KCTD13: variants seen among roughly 807,000 people sequenced by gnomAD.
KCTD13 encodes BTB/POZ domain-containing adapter for CUL3-mediated RhoA degradation protein 1.
A neutral mutation model predicts 32.3 loss-of-function variants in KCTD13; 15 were observed. The observed-to-expected ratio is 0.46, with a 90% confidence interval of 0.31 to 0.71. The LOEUF (loss-of-function observed/expected upper bound fraction) is 0.71, where lower values mean the gene tolerates loss of function less well. KCTD13 is among the 30% of genes least tolerant of loss of function. KCTD13 has a pLI of 0.05. For missense variants in KCTD13, 337 were observed against 452.6 expected (o/e 0.74, Z 2.32); for synonymous variants, 189 against 200.1 (o/e 0.94, Z 0.47).
At chr16:29,911,935 A>T (rs780447062) in intron 3 of KCTD13, 25 bp downstream of exon 3, 3 of 1,609,590 alleles carry the variant, frequency 1.9e-6, no homozygotes, top group Admixed American at 3.4e-5. Flanking sequence ...GTGAGCCTCC[A>T]CCCTGCAGGG....
In KCTD13 at chr16:29,911,140, C is replaced by G; in HGVS notation, c.591G>C (p.Glu197Asp). The change falls in exon 5 of 6, where the codon GAG becomes GAC. Residue 197 changes from glutamate (E) to aspartate (D), a missense_variant. By Grantham distance (45) the Glu-to-Asp change is conservative (BLOSUM62 2). Transcript: ENST00000568000. ...TSDDNLLKNIELFDKLALRFH... is the reference protein window; with the variant it reads ...TSDDNLLKNIDLFDKLALRFH... ...AGCGCAGGGCCAGCTTGTCGAACAG[C>G]TCGATGTTCTTAAGTAGGTTGTCAT... 6.2e-7 allele frequency: 1 copy of G among 1,614,140 alleles called. No homozygotes were observed. Among genetic ancestry groups the G allele is most frequent in the Non-Finnish European group, 8.5e-7 (1 of 1,180,010 alleles).
intron 4 of KCTD13, chr16:29,911,513 A>G (rs1302911873): frequency 1.8e-6 from 1 of 566,414 alleles, no homozygotes; most frequent in Non-Finnish European, 3.1e-6. Flanking sequence ...TGTAAAATGG[A>G]GCTCACAACA....
intron 2 of KCTD13, chr16:29,922,869 T>G: frequency 2.4e-6 from 1 of 413,706 alleles, no homozygotes; most frequent in African/African-American, 2.0e-5. Flanking sequence ...TTAGGATTTC[T>G]AAGCAAGAGA....
At chr16:29,920,586 A>G (rs2068893161) in intron 2 of KCTD13, 1 of 152,210 alleles carries the variant, frequency 6.6e-6, no homozygotes, top group African/African-American at 2.4e-5. Context: ...CTGGTAAAGA[A>G]CATGAATAAG....
chr16:29,913,400 T>C (rs1341553820), intron 2 of KCTD13: 1 of 152,152 alleles, frequency 6.6e-6, no homozygotes, highest in Admixed American at 6.5e-5. Flanking sequence ...CCACTGTGTA[T>C]ATGAGAATTG....
chr16:29,911,668 G>A (rs368021302), intron 4 of KCTD13, 147 bp downstream of exon 4: 9 of 754,462 alleles, frequency 1.2e-5, no homozygotes, highest in African/African-American at 5.2e-5. Flanking sequence ...TGCCTAGAGC[G>A]TCAGGGGTAA....
chr16:29,923,263 A>T lies in KCTD13; in HGVS notation c.341T>A (p.Leu114Gln). Residue 114 changes from leucine (L) to glutamine (Q), a missense_variant, in exon 2 of 6, where the codon CTG becomes CAG. Physicochemically the swap from Leu to Gln is moderately radical, Grantham distance 113. This residue lies in a region of KCTD13 where 252 missense variants were observed against 340.2 expected (regional missense o/e 0.74). Coordinates refer to ENST00000568000, the MANE Select transcript of KCTD13 (RefSeq NM_178863.5). ...GCGTGCTTCGCCCAGCAGCTCCCCC[A>T]GTTCTCTCGTACTCTCCGGCAGTGG... The part of the protein sequence containing the change: ...SVPLPESTRE[L>Q]GELLGEARYY... 6.2e-7 allele frequency: 1 copy of T among 1,614,160 alleles called. No individual in the cohort carries two copies. Among genetic ancestry groups the T allele is most frequent in the Non-Finnish European group, 8.5e-7 (1 of 1,180,028 alleles).
chr16:29,916,385 A>G (rs2150839958), intron 2 of KCTD13, among the ~76,000 whole-genome samples: 1 of 152,278 alleles, frequency 6.6e-6, no homozygotes, highest in East Asian at 1.9e-4. Context: ...CACTGTGCCC[A>G]GCCAATACTT....
rs762939828 is a variant in KCTD13 at position 29,911,029 on chromosome 16, G to A, written c.702C>T (p.Ala234=). 1.3e-5 allele frequency: 21 copies of A among 1,614,026 alleles called. No homozygotes were observed. The highest frequency in any genetic ancestry group is 3.3e-5 in the Admixed American group (2 of 59,980). The change falls in exon 5 of 6, where the codon GCC becomes GCT. Residue 234 remains alanine, a synonymous_variant. Transcript: ENST00000568000. The part of the protein sequence containing the change: ...WSFYGQGRKI[A]EVCCTSIVYA... ...AGACAATGGAGGTGCAGCACACCTC[G>A]GCGATTTTGCGGCCCTGCCCGTAGA...
At chr16:29,912,099 T>C (rs767005325) in intron 2 of KCTD13, 50 bp from the exon 3 acceptor site, 46 of 1,280,472 alleles carry the variant, frequency 3.6e-5, no homozygotes, top group Non-Finnish European at 4.9e-5. Flanking sequence ...GGCCACGTAC[T>C]CCCCCACTTA....
At position 29,911,091 on chromosome 16, in the gene KCTD13, T is replaced by C. The variant is rs2068699736; in HGVS notation, c.640A>G (p.Lys214Glu). The change falls in exon 5 of 6, where the codon AAG becomes GAG. Residue 214 changes from lysine (K) to glutamate (E), a missense_variant. Lys to Glu is a moderately conservative substitution (Grantham distance 56). Transcript: ENST00000568000. ...CAGATCTCGTCCCCCAGGACATCCTTGAGGAAGAGTAGCCGCCCGTGGAAG... is the reference window on the plus strand; with the variant it reads ...CAGATCTCGTCCCCCAGGACATCCTCGAGGAAGAGTAGCCGCCCGTGGAAG... The part of the protein sequence containing the change: ...LRFHGRLLFL[K>E]DVLGDEICCW... 6.2e-7 allele frequency: 1 copy of C among 1,614,002 alleles called. No homozygotes were observed. The highest frequency in any genetic ancestry group is 8.5e-7 in the Non-Finnish European group (1 of 1,179,996).
At chr16:29,922,183 A>AT (rs2068925815) in intron 2 of KCTD13, 2 of 152,182 alleles carry the variant, frequency 1.3e-5, no homozygotes, top group Non-Finnish European at 2.9e-5. Flanking sequence ...ACTAAAATGC[A>AT]TTTTTTCCCT....
chr16:29,910,757 G>A (rs2150834270), intron 5 of KCTD13, among the ~76,000 whole-genome samples: 1 of 152,264 alleles, frequency 6.6e-6, no homozygotes, highest in South Asian at 2.1e-4. Flanking sequence ...CCATCCAACA[G>A]GCCTAGGCTA....
At position 29,925,932 on chromosome 16, in the gene KCTD13, C is replaced by T. The variant is rs750135484; in HGVS notation, c.102G>A (p.Lys34=). ...CGTATTTGCTGTTCGGGGTCAGCGG[C>T]TTGAGACCGTAGGCGGCGGGGCCAG... is the stretch of plus-strand genomic sequence containing the variant. ...LEPGPAAYGL[K]PLTPNSKYVK... is the part of the protein sequence containing the mutation. Residue 34 remains lysine, a synonymous_variant, in exon 1 of 6, where the codon AAG becomes AAA. Transcript: ENST00000568000. 11 of 1,613,868 alleles carry T rather than the reference C, an allele frequency of 6.8e-6. No homozygotes were observed. In the East Asian group the frequency reaches 1.8e-4, roughly 26 times the overall value.
chr16:29,914,831 T>C (rs1051456312), intron 2 of KCTD13: 6 of 152,144 alleles, frequency 3.9e-5, no homozygotes, highest in African/African-American at 1.4e-4. Context: ...GGATAACCAG[T>C]AAGGACATTC....
intron 2 of KCTD13, chr16:29,921,408 G>C (rs2068909956): frequency 6.6e-6 from 1 of 152,304 alleles, no homozygotes; most frequent in African/African-American, 2.4e-5. Context: ...GGAAAGGAGA[G>C]AGCAGGAGTA....
At position 29,926,116 on chromosome 16, in the gene KCTD13, G is replaced by C. The variant is rs997981880; in HGVS notation, c.-83C>G. The C allele has an allele frequency of 1.8e-5, 25 of 1,399,752 alleles. No individual in the cohort carries two copies. The highest frequency in any genetic ancestry group is 2.3e-5 in the Non-Finnish European group (25 of 1,078,164). The allele number at this position is 1,399,752 out of a possible 1,614,324, so 86.7% of individuals were successfully genotyped here. ...CCCGAAGACCCTCGGCCGGCCCCCA[G>C]CCCTTGGGCCAGACCGCTCGGCGCA... On this transcript the variant is annotated 5_prime_UTR_variant, in exon 1 of 6. Coordinates refer to ENST00000568000, the MANE Select transcript of KCTD13 (RefSeq NM_178863.5).
At position 29,911,954 on chromosome 16, in the gene KCTD13, C is replaced by T; in HGVS notation, c.504+6G>A. 1 of 1,610,708 alleles carries T rather than the reference C, an allele frequency of 6.2e-7. No homozygotes were observed. The highest frequency in any genetic ancestry group is 8.5e-7 in the Non-Finnish European group (1 of 1,178,966). On this transcript the variant is annotated splice_donor_region_variant and intron_variant, in intron 3 of 5. Transcript: ENST00000568000. ...GCCTCCACCCTGCAGGGCTTGGGGG[C>T]CTCACCTTGGAGGTGCTGGCCAGGA...
chr16:29,920,333 A>C (rs2068886557), intron 2 of KCTD13: 1 of 152,228 alleles, frequency 6.6e-6, no homozygotes, highest in Non-Finnish European at 1.5e-5. Context: ...CAAAAAAAGA[A>C]AAACAAAAAC....
Sources: gnomAD v4.1 joint callset for allele counts (sites outside exome capture counted in the v4.1 genomes callset) on GRCh38, gnomAD v4.1.1 for gene constraint, gnomAD v4.1.1 regional missense constraint, MANE v1.5 for transcripts, NCBI Gene and HGNC (gene_info 2026-07-23, HGNC 2026-07-21) for gene names.